The following CACNA2D3 variants were observed in gnomAD, a reference collection of about 807,000 sequenced individuals.
The protein encoded by CACNA2D3 is calcium voltage-gated channel auxiliary subunit alpha2delta 3, also known as voltage-dependent calcium channel subunit alpha-2/delta-3.
Under a neutral mutation model 160.6 loss-of-function variants are expected in CACNA2D3, and 60 were observed. The observed-to-expected ratio is 0.37, with a 90% confidence interval of 0.30 to 0.46. The LOEUF (loss-of-function observed/expected upper bound fraction) is 0.46, where lower values mean the gene tolerates loss of function less well. Among genes scored for constraint, CACNA2D3 ranks in the 20% least tolerant of loss-of-function variants. The probability of loss-of-function intolerance (pLI) is 1.00; values close to 1 mark genes in which losing one functional copy is unlikely to be tolerated. For synonymous variants in CACNA2D3, 558 were observed against 492.9 expected, an observed-to-expected ratio of 1.13 and a Z score of -1.75; for missense variants, 1,205 against 1,365.0, an observed-to-expected ratio of 0.88 and a Z score of 1.85.
intron 13 of CACNA2D3, among the ~76,000 whole-genome samples, chr3:54,781,283 G>A (rs370018109): frequency 1.3e-5 from 2 of 152,298 alleles, no homozygotes; most frequent in South Asian, 2.1e-4. Context: ...GTAAGGTCTG[G>A]TGATTTCCCC....
chr3:54,737,428 C>T (rs895286919), intron 11 of CACNA2D3, among the ~76,000 whole-genome samples: 3 of 151,952 alleles, frequency 2.0e-5, no homozygotes, highest in Non-Finnish European at 4.4e-5. Flanking sequence ...TGTTTTAGTG[C>T]AGAGCAGGCA....
intron 9 of CACNA2D3, among the ~76,000 whole-genome samples, chr3:54,587,534 C>T (rs140256886): frequency 0.013 from 1,915 of 150,788 alleles, 28 homozygotes; most frequent in African/African-American, 0.041. Context: ...TCCAGCCTGG[C>T]GACAGAGCAA....
chr3:54,984,904 G>A lies in CACNA2D3; in HGVS notation c.2619+234G>A, dbSNP rs146977843. ...GTGCAGGGGGGTGACAGTGCCCAGGGTCTGTTCTCTCACTCATAAAATGTT... is the reference window on the plus strand; with the variant it reads ...GTGCAGGGGGGTGACAGTGCCCAGGATCTGTTCTCTCACTCATAAAATGTT... On this transcript the variant is annotated intron_variant, in intron 30 of 37. Coordinates refer to ENST00000474759, the MANE Select transcript of CACNA2D3 (RefSeq NM_018398.3). Among the ~76,000 whole-genome samples the A allele has an allele frequency of 2.8e-3, 421 of 152,222 alleles. 5 individuals are homozygous for A. Among genetic ancestry groups the A allele is most frequent in the Middle Eastern group, 6.8e-3 (2 of 294 alleles).
intron 35 of CACNA2D3, among the ~76,000 whole-genome samples, chr3:55,019,649 C>T (rs1047155288): frequency 1.3e-4 from 20 of 152,068 alleles, no homozygotes; most frequent in Non-Finnish European, 2.8e-4. Flanking sequence ...TTGAGATCGA[C>T]TTGTTTGTGT....
At chr3:54,966,113 G>C (rs1197087921) in intron 27 of CACNA2D3, among the ~76,000 whole-genome samples, 2 of 152,178 alleles carry the variant, frequency 1.3e-5, no homozygotes, top group Admixed American at 6.5e-5. Context: ...GTGAAGATGA[G>C]GGCTCCATCA....
intron 3 of CACNA2D3, among the ~76,000 whole-genome samples, chr3:54,340,950 T>C (rs1698330256): frequency 6.6e-6 from 1 of 152,062 alleles, no homozygotes; most frequent in African/African-American, 2.4e-5. Context: ...ATCTCGTCTG[T>C]TTCCATTTTC....
intron 2 of CACNA2D3, among the ~76,000 whole-genome samples, chr3:54,125,541 G>T (rs186407512): frequency 1.9e-4 from 29 of 152,272 alleles, no homozygotes; most frequent in Admixed American, 3.9e-4. Flanking sequence ...GTTCCAGGGT[G>T]GGTGTCCACC....
chr3:54,833,364 C>A (rs1347465055), intron 14 of CACNA2D3, among the ~76,000 whole-genome samples: 2 of 152,108 alleles, frequency 1.3e-5, no homozygotes, highest in Non-Finnish European at 2.9e-5. Flanking sequence ...CCCAGATGGA[C>A]CATGGTGACC....
At chr3:54,237,674 A>G (rs555709450) in intron 2 of CACNA2D3, among the ~76,000 whole-genome samples, 4 of 152,160 alleles carry the variant, frequency 2.6e-5, no homozygotes, top group African/African-American at 9.6e-5. Flanking sequence ...AGGAATTATT[A>G]CATCAATTTC....
intron 3 of CACNA2D3, among the ~76,000 whole-genome samples, chr3:54,359,678 C>T (rs964814903): frequency 6.6e-6 from 1 of 152,210 alleles, no homozygotes; most frequent in Non-Finnish European, 1.5e-5. Context: ...AGTTGCATGA[C>T]ATCTATTAGT....
At chr3:54,997,108 A>G (rs1253429269) in intron 31 of CACNA2D3, among the ~76,000 whole-genome samples, 1 of 152,166 alleles carries the variant, frequency 6.6e-6, no homozygotes, top group Non-Finnish European at 1.5e-5. Context: ...CCACCATGGC[A>G]CATGTATACC....
chr3:54,314,884 A>G (rs1328238386), intron 2 of CACNA2D3, among the ~76,000 whole-genome samples: 2 of 152,092 alleles, frequency 1.3e-5, no homozygotes, highest in Non-Finnish European at 2.9e-5. Flanking sequence ...ACCTGGTGCC[A>G]TAGTCATCGC....
intron 2 of CACNA2D3, among the ~76,000 whole-genome samples, chr3:54,175,801 A>G (rs1018611126): frequency 1.3e-5 from 2 of 152,112 alleles, no homozygotes; most frequent in Admixed American, 1.3e-4. Context: ...TTGGAGGGGA[A>G]GAAGAGGAAT....
At chr3:54,636,446 A>G (rs1217811476) in intron 10 of CACNA2D3, among the ~76,000 whole-genome samples, 1 of 152,030 alleles carries the variant, frequency 6.6e-6, no homozygotes, top group Non-Finnish European at 1.5e-5. Context: ...GCCAGGGAGC[A>G]GAAAGCATAT....
intron 5 of CACNA2D3, among the ~76,000 whole-genome samples, chr3:54,517,269 G>T (rs1701566924): frequency 6.6e-6 from 1 of 152,230 alleles, no homozygotes; most frequent in African/African-American, 2.4e-5. Flanking sequence ...CCCCCAGGCT[G>T]CTCCTCATTG....
intron 5 of CACNA2D3, among the ~76,000 whole-genome samples, chr3:54,549,604 C>T (rs1411481681): frequency 6.6e-6 from 1 of 152,212 alleles, no homozygotes; most frequent in African/African-American, 2.4e-5. Flanking sequence ...TGCTGCTCCC[C>T]ATTCCTTTCC....
At position 54,340,377 on chromosome 3, in the gene CACNA2D3, C is replaced by T. The variant is rs117730639; in HGVS notation, c.321+19819C>T. On this transcript the variant is annotated intron_variant, in intron 3 of 37. Transcript: ENST00000474759. ...CCATTAATACGTCTTATTTCTGGTG[C>T]GTTTCAAAGTGAGTTGCAGACTTGT... Among the ~76,000 whole-genome samples, 556 of 152,234 alleles carry T rather than the reference C, an allele frequency of 3.7e-3. 11 individuals carry two copies. In the East Asian group the frequency reaches 0.057, roughly 16 times the overall value.
At chr3:55,044,403 T>C (rs1256497758) in intron 35 of CACNA2D3, among the ~76,000 whole-genome samples, 1 of 152,200 alleles carries the variant, frequency 6.6e-6, no homozygotes, top group African/African-American at 2.4e-5. Context: ...AACTGTTCAT[T>C]GCTAGGATTT....
At chr3:54,381,787 T>A (rs930398361) in intron 3 of CACNA2D3, among the ~76,000 whole-genome samples, 40 of 152,318 alleles carry the variant, frequency 2.6e-4, no homozygotes, top group African/African-American at 9.1e-4. Flanking sequence ...ATACTATCCA[T>A]GGTCTATGGC....
Sources: allele counts gnomAD v4.1 joint callset (sites outside exome capture counted in the v4.1 genomes callset), GRCh38; gene constraint gnomAD v4.1.1; transcripts MANE v1.5; gene names NCBI Gene and HGNC (gene_info 2026-07-23, HGNC 2026-07-21).